Variants in BRINP1 observed in about 807,000 individuals in gnomAD.
The protein encoded by BRINP1 is BMP/retinoic acid inducible neural specific 1, also known as BMP/retinoic acid-inducible neural-specific protein 1.
Under a neutral mutation model 72.9 loss-of-function variants are expected in BRINP1, and 17 were observed. The ratio of observed to expected loss-of-function variants is 0.23; its 90% CI spans 0.16 to 0.35. The LOEUF (loss-of-function observed/expected upper bound fraction) is 0.35, where lower values mean the gene tolerates loss of function less well. Ranked by LOEUF, BRINP1 falls within the 10% of genes least tolerant of loss-of-function variation. The pLI, the probability that BRINP1 is intolerant of heterozygous loss-of-function variation, is 1.00. For missense variants in BRINP1, 850 were observed against 1,001.6 expected (o/e 0.85, Z 2.04); for synonymous variants, 418 against 378.5 (o/e 1.10, Z -1.21).
chr9:119,274,923 T>A (rs757717113), intron 2 of BRINP1, among the ~76,000 whole-genome samples: 2 of 152,172 alleles, frequency 1.3e-5, no homozygotes, highest in Non-Finnish European at 1.5e-5. Flanking sequence ...ATACTATATA[T>A]GTAGTGTGTA....
chr9:119,249,853 AGGGAGGGAGGGAG>A (rs1564228546), intron 2 of BRINP1, among the ~76,000 whole-genome samples: 10 of 49,934 alleles, frequency 2.0e-4, no homozygotes, highest in African/African-American at 1.0e-3. Flanking sequence ...GAAGGAAGGA[AGGGAGGGAGGGAG>A]GGAGGGAGGG....
chr9:119,361,643 C>T (rs1173441569), intron 1 of BRINP1, among the ~76,000 whole-genome samples: 1 of 151,532 alleles, frequency 6.6e-6, no homozygotes, highest in Non-Finnish European at 1.5e-5. Context: ...TTTTTTCAGA[C>T]AGAGCCTCAC....
chr9:119,341,769 T>C (rs923609914), intron 1 of BRINP1, among the ~76,000 whole-genome samples: 1 of 152,226 alleles, frequency 6.6e-6, no homozygotes, highest in Admixed American at 6.5e-5. Flanking sequence ...TCTGTATTAT[T>C]ATTATTATTA....
At chr9:119,291,258 G>C (rs1221130) in intron 2 of BRINP1, among the ~76,000 whole-genome samples, 72,789 of 151,958 alleles carry the variant, frequency 0.48, 18,334 homozygotes, top group African/African-American at 0.63. Flanking sequence ...TCAAGATTCC[G>C]TTGTGCAGTA....
chr9:119,301,618 T>C (rs544278367), intron 2 of BRINP1, among the ~76,000 whole-genome samples: 1 of 152,276 alleles, frequency 6.6e-6, no homozygotes, highest in South Asian at 2.1e-4. Flanking sequence ...GGTGGTTACA[T>C]GAATCCACAC....
intron 7 of BRINP1, among the ~76,000 whole-genome samples, chr9:119,168,554 G>T (rs1829349393): frequency 8.4e-6 from 1 of 119,732 alleles, no homozygotes; most frequent in African/African-American, 2.6e-5. Context: ...TGTGATTCAG[G>T]AAATGAAAGT....
At chr9:119,348,461 T>C (rs1831471065) in intron 1 of BRINP1, among the ~76,000 whole-genome samples, 1 of 152,196 alleles carries the variant, frequency 6.6e-6, no homozygotes, top group Non-Finnish European at 1.5e-5. Flanking sequence ...TTTCAACATC[T>C]TTGGTAAATG....
intron 7 of BRINP1, among the ~76,000 whole-genome samples, chr9:119,194,471 T>C (rs1829713368): frequency 6.6e-6 from 1 of 152,210 alleles, no homozygotes; most frequent in South Asian, 2.1e-4. Flanking sequence ...TTCTTTTACA[T>C]AACACAGTTG....
rs1459261747 is a variant in BRINP1 at position 119,249,050 on chromosome 9, G to A, written c.319C>T (p.Leu107=). The A allele has an allele frequency of 6.2e-7, 1 of 1,614,106 alleles. No individual in the cohort carries two copies. The highest frequency in any genetic ancestry group is 1.7e-5 in the Admixed American group (1 of 60,032). The change falls in exon 3 of 8, where the codon CTG becomes TTG. Residue 107 remains leucine, a synonymous_variant. Transcript: ENST00000265922. The part of the protein sequence containing the change: ...LMPEFQRSIR[L]LGRRPTTQQF... Reference sequence around the variant, plus strand: ...TGAGTGGTAGGTCTCCTGCCAAGCAGGCGGATGCTCCTTTGAAACTCCGGC... The same window carrying A: ...TGAGTGGTAGGTCTCCTGCCAAGCAAGCGGATGCTCCTTTGAAACTCCGGC...
At chr9:119,283,130 G>A (rs1461294045) in intron 2 of BRINP1, 7 of 984,574 alleles carry the variant, frequency 7.1e-6, no homozygotes, top group South Asian at 4.7e-5. Flanking sequence ...CGTTCTCACC[G>A]GCTGTGGTTG....
At chr9:119,188,760 C>CT (rs1189508905) in intron 7 of BRINP1, among the ~76,000 whole-genome samples, 1 of 151,964 alleles carries the variant, frequency 6.6e-6, no homozygotes, top group East Asian at 1.9e-4. Flanking sequence ...TCAGCCAGGA[C>CT]AACAGAGTAA....
At chr9:119,279,117 A>T (rs892185403) in intron 2 of BRINP1, among the ~76,000 whole-genome samples, 19 of 152,236 alleles carry the variant, frequency 1.2e-4, no homozygotes, top group African/African-American at 4.3e-4. Context: ...CTCCTCAGGT[A>T]CTTCCCAATG....
At chr9:119,168,798 T>G (rs1829354938) in intron 7 of BRINP1, among the ~76,000 whole-genome samples, 1 of 152,178 alleles carries the variant, frequency 6.6e-6, no homozygotes, top group Admixed American at 6.5e-5. Context: ...TCATGGTGGT[T>G]TTTTAGAACA....
chr9:119,193,849 A>C (rs764791330), intron 7 of BRINP1, among the ~76,000 whole-genome samples: 10 of 152,204 alleles, frequency 6.6e-5, no homozygotes, highest in Non-Finnish European at 1.3e-4. Flanking sequence ...AAGATCCTAC[A>C]GTGGCTTTGA....
intron 5 of BRINP1, among the ~76,000 whole-genome samples, chr9:119,237,211 T>A (rs1588173233): frequency 6.6e-6 from 1 of 152,102 alleles, no homozygotes; most frequent in Admixed American, 6.5e-5. Flanking sequence ...CATGTCATTT[T>A]TTTTTCTGAC....
intron 7 of BRINP1, among the ~76,000 whole-genome samples, chr9:119,203,716 T>C (rs1245991078): frequency 6.6e-6 from 1 of 152,178 alleles, no homozygotes; most frequent in Non-Finnish European, 1.5e-5. Context: ...TCCAGAATCT[T>C]TACAAATAGA....
At chr9:119,219,085 A>G (rs1384671984) in intron 5 of BRINP1, among the ~76,000 whole-genome samples, 1 of 152,068 alleles carries the variant, frequency 6.6e-6, no homozygotes, top group Non-Finnish European at 1.5e-5. Context: ...CTCACCAGAC[A>G]CCATATCTGC....
chr9:119,313,547 T>C (rs974857590), intron 1 of BRINP1, 142 bp from the exon 2 acceptor site: 7 of 724,106 alleles, frequency 9.7e-6, no homozygotes, highest in African/African-American at 1.8e-5. Flanking sequence ...CTTATATCAG[T>C]AGAGTGCTTT....
intron 2 of BRINP1, among the ~76,000 whole-genome samples, chr9:119,305,377 T>C (rs1564243730): frequency 6.6e-6 from 1 of 152,222 alleles, no homozygotes; most frequent in Non-Finnish European, 1.5e-5. Flanking sequence ...GCCAATTCAC[T>C]AGACTTTAAA....
Sources: allele counts gnomAD v4.1 joint callset (sites outside exome capture counted in the v4.1 genomes callset), GRCh38; gene constraint gnomAD v4.1.1; transcripts MANE v1.5; gene names NCBI Gene and HGNC (gene_info 2026-07-23, HGNC 2026-07-21).